SERINC2: variants seen among roughly 807,000 people sequenced by gnomAD.
The protein encoded by SERINC2 is tumor differentially expressed protein 2.
A neutral mutation model predicts 54.2 loss-of-function variants in SERINC2; 56 were observed. The observed-to-expected ratio is 1.03, with a 90% CI of 0.83 to 1.29. The LOEUF (loss-of-function observed/expected upper bound fraction) is 1.29. Among genes scored for constraint, SERINC2 ranks in the 50% most tolerant of loss-of-function variants. The probability of loss-of-function intolerance (pLI) is 0.00; values close to 1 mark genes in which losing one functional copy is unlikely to be tolerated. For synonymous variants in SERINC2, 272 were observed against 253.1 expected (o/e 1.07, Z -0.71); for missense variants, 614 against 607.4 (o/e 1.01, Z -0.12).
chr1:31,433,727 G>T (rs1217795064), intron 9 of SERINC2, among the ~76,000 whole-genome samples: 1 of 152,120 alleles, frequency 6.6e-6, no homozygotes, highest in Non-Finnish European at 1.5e-5. Flanking sequence ...AGGATCAAAG[G>T]TCAGAATCAA....
In SERINC2 at chr1:31,417,521, C is replaced by T. The variant is rs946132572; in HGVS notation, c.39+4217C>T. Among the ~76,000 whole-genome samples the T allele has an allele frequency of 2.6e-5, 4 of 152,098 alleles. No homozygotes were observed. The East Asian group carries it at 7.7e-4, about 29-fold the overall frequency. On this transcript the variant is annotated intron_variant, in intron 1 of 9. Coordinates refer to ENST00000373709, the MANE Select transcript of SERINC2 (RefSeq NM_178865.5). Reference sequence around the variant, plus strand: ...TTCTTTGAAAACTCCCTGCCCCCTCCCTTTTAAAAAAATTGAGGTAAAAGA... The same window carrying T: ...TTCTTTGAAAACTCCCTGCCCCCTCTCTTTTAAAAAAATTGAGGTAAAAGA...
At position 31,413,452 on chromosome 1, in the gene SERINC2, T is replaced by A; in HGVS notation, c.39+148T>A. On this transcript the variant is annotated intron_variant, in intron 1 of 9. Coordinates refer to ENST00000373709, the MANE Select transcript of SERINC2 (RefSeq NM_178865.5). The surrounding 1 kb of genome is among the most constrained non-coding windows in gnomAD (Gnocchi z 5.0). Reference sequence around the variant, plus strand: ...CCGGTGCCCCGCCTGCTCGCCCTCCTGGACCTTCACTCGGCACCCGGATCC... The same window carrying A: ...CCGGTGCCCCGCCTGCTCGCCCTCCAGGACCTTCACTCGGCACCCGGATCC... 1 of 374,578 alleles carries A rather than the reference T, an allele frequency of 2.7e-6. No individual in the cohort carries two copies. The highest frequency in any genetic ancestry group is 4.4e-6 in the Non-Finnish European group (1 of 228,774). 23.2% of individuals were successfully genotyped at this position (374,578 alleles called of 1,614,324 possible).
intron 1 of SERINC2, chr1:31,414,209 A>AG (rs1362382153): frequency 6.5e-5 from 88 of 1,356,546 alleles, no homozygotes; most frequent in Non-Finnish European, 7.5e-5. Flanking sequence ...GCAGCCGCAG[A>AG]GGGGAGGGGC....
At position 31,434,077 on chromosome 1, in the gene SERINC2, C is replaced by G; in HGVS notation, c.1246C>G (p.Arg416Gly). Residue 416 changes from arginine (R) to glycine (G), a missense_variant, in exon 10 of 10, where the codon CGG becomes GGG. Coordinates refer to ENST00000373709, the MANE Select transcript of SERINC2 (RefSeq NM_178865.5). ...GGTGTGTTCCAGGCCCGGTGAGACC[C>G]GGAAGATGATCAGCACGTGGACCGC... ...LTNWYKPGET[R>G]KMISTWTAVW... 4 of 1,613,860 alleles carry G rather than the reference C, an allele frequency of 2.5e-6. No individual in the cohort carries two copies. Among genetic ancestry groups the G allele is most frequent in the African/African-American group, 1.3e-5 (1 of 75,008 alleles).
intron 8 of SERINC2, 150 bp from the exon 9 acceptor site, chr1:31,432,817 G>T (rs74063729): frequency 2.6e-5 from 16 of 618,824 alleles, no homozygotes; most frequent in South Asian, 9.7e-5. Context: ...GGGAGTGGGG[G>T]TAGGGGTAGA....
intron 1 of SERINC2, among the ~76,000 whole-genome samples, chr1:31,419,511 GA>G (rs1234391498): frequency 6.6e-6 from 1 of 152,142 alleles, no homozygotes; most frequent in Non-Finnish European, 1.5e-5. Context: ...ATGATGTATT[GA>G]TGGGCGTTTT....
At position 31,413,666 on chromosome 1, in the gene SERINC2, C is replaced by T. The variant is rs1640700902; in HGVS notation, c.39+362C>T. On this transcript the variant is annotated intron_variant, in intron 1 of 9. Coordinates refer to ENST00000373709, the MANE Select transcript of SERINC2 (RefSeq NM_178865.5). The surrounding 1 kb of genome is among the most constrained non-coding windows in gnomAD (Gnocchi z 5.0). ...TCGTCGCCCCACTTGGGGCGGTCCT[C>T]GGGGTGGCCTCTGTCCCCGTCCCGG... 3.6e-6 allele frequency: 3 copies of T among 826,552 alleles called. No individual in the cohort carries two copies. Among genetic ancestry groups the T allele is most frequent in the Non-Finnish European group, 4.8e-6 (3 of 622,064 alleles). The allele number at this position is 826,552 out of a possible 1,614,324, so 51.2% of individuals were successfully genotyped here.
At chr1:31,414,051 C>T (rs1640713457) in intron 1 of SERINC2, 7 of 1,513,692 alleles carry the variant, frequency 4.6e-6, no homozygotes, top group East Asian at 2.6e-5. Flanking sequence ...CTTAGCTGCC[C>T]TCGAGTGAGG....
chr1:31,413,178 G>A, upstream of SERINC2: 1 of 1,011,812 alleles, frequency 9.9e-7, no homozygotes, highest in Admixed American at 5.8e-5. This position sits in a 1 kb window ranked among gnomAD's most constrained non-coding sequence, Gnocchi z 5.0. Flanking sequence ...GCGGGGCCGG[G>A]GCCGGGGAGG....
At chr1:31,430,999 A>C (rs1378690977) in intron 8 of SERINC2, among the ~76,000 whole-genome samples, 5 of 152,106 alleles carry the variant, frequency 3.3e-5, no homozygotes, top group African/African-American at 1.2e-4. Flanking sequence ...ATTTTCTCCA[A>C]GTCAGTTCTG....
intron 1 of SERINC2, among the ~76,000 whole-genome samples, chr1:31,420,253 T>A (rs1640873930): frequency 6.6e-6 from 1 of 152,144 alleles, no homozygotes; most frequent in African/African-American, 2.4e-5. Flanking sequence ...AAGCAGTGTG[T>A]GTTTTTCTCT....
intron 8 of SERINC2, among the ~76,000 whole-genome samples, chr1:31,431,805 CAGGGTGGACAGGGTGGAT>C (rs1641224914): frequency 1.7e-4 from 7 of 40,622 alleles, no homozygotes; most frequent in African/African-American, 3.6e-4. Context: ...ATAGGGTGGA[CAGGGTGGACAGGGTGGAT>C]AGGGTGGATA....
At chr1:31,430,748 A>G (rs141816628) in intron 8 of SERINC2, among the ~76,000 whole-genome samples, 1 of 152,266 alleles carries the variant, frequency 6.6e-6, no homozygotes, top group Non-Finnish European at 1.5e-5. Flanking sequence ...AGATCATAAG[A>G]TTAGGTTTAA....
At chr1:31,414,635 G>C (rs1640740728) in intron 1 of SERINC2, 4 of 985,582 alleles carry the variant, frequency 4.1e-6, no homozygotes, top group Non-Finnish European at 4.8e-6. Flanking sequence ...GCGTGTGCAG[G>C]AGGAGGAATC....
chr1:31,431,976 TAG>T (rs1557500493), intron 8 of SERINC2, among the ~76,000 whole-genome samples: 19 of 25,202 alleles, frequency 7.5e-4, no homozygotes, highest in African/African-American at 9.9e-4. Context: ...ATAGGGTGGA[TAG>T]GGTGGATAGG....
chr1:31,413,719 C>T lies in SERINC2; in HGVS notation c.39+415C>T, dbSNP rs1570021021. The T allele has an allele frequency of 2.4e-6, 3 of 1,266,322 alleles. No homozygotes were observed. The highest frequency in any genetic ancestry group is 3.4e-5 in the East Asian group (1 of 29,012). 78.4% of individuals were successfully genotyped at this position (1,266,322 alleles called of 1,614,324 possible). On this transcript the variant is annotated intron_variant, in intron 1 of 9. Transcript: ENST00000373709. The surrounding 1 kb of genome is among the most constrained non-coding windows in gnomAD (Gnocchi z 5.0). ...GCCCTGGTTCTCTGTGTAGGTCGCCCGGGCCCCGTCCCTCCTGGCGAGTGC... is the reference window on the plus strand; with the variant it reads ...GCCCTGGTTCTCTGTGTAGGTCGCCTGGGCCCCGTCCCTCCTGGCGAGTGC...
At chr1:31,419,935 G>A (rs1404168184) in intron 1 of SERINC2, among the ~76,000 whole-genome samples, 4 of 152,210 alleles carry the variant, frequency 2.6e-5, no homozygotes, top group Admixed American at 6.5e-5. Flanking sequence ...CTTGAGCCCC[G>A]GAGGTGGAGG....
chr1:31,431,877 C>CTT, intron 8 of SERINC2, among the ~76,000 whole-genome samples: 1 of 9,722 alleles, frequency 1.0e-4, no homozygotes, highest in South Asian at 3.0e-3. Flanking sequence ...ATAGGGTGGA[C>CTT]AGGGTGGACA....
intron 8 of SERINC2, among the ~76,000 whole-genome samples, chr1:31,429,887 C>T (rs1641149734): frequency 6.6e-6 from 1 of 152,078 alleles, no homozygotes; most frequent in Non-Finnish European, 1.5e-5. Flanking sequence ...GTGGCTTAAC[C>T]TTTCTGAGCT....
Sources: gnomAD v4.1 joint callset for allele counts (sites outside exome capture counted in the v4.1 genomes callset) on GRCh38, gnomAD v4.1.1 for gene constraint, Gnocchi (gnomAD v3.1) non-coding constraint, MANE v1.5 for transcripts, NCBI Gene and HGNC (gene_info 2026-07-23, HGNC 2026-07-21) for gene names.